The following SORCS1 variants were observed in gnomAD, a reference collection of about 807,000 sequenced individuals.
The protein encoded by SORCS1 is VPS10 domain-containing receptor SorCS1.
Under a neutral mutation model 146.1 loss-of-function variants are expected in SORCS1, and 60 were observed. The ratio of observed to expected loss-of-function variants is 0.41; its 90% CI spans 0.33 to 0.51. The LOEUF (loss-of-function observed/expected upper bound fraction) is 0.51, where lower values mean the gene tolerates loss of function less well. Among genes scored for constraint, SORCS1 ranks in the 20% least tolerant of loss-of-function variants. SORCS1 has a pLI of 0.21. For synonymous variants in SORCS1, 637 were observed against 584.0 expected (o/e 1.09, Z -1.31); for missense variants, 1,352 against 1,487.6 (o/e 0.91, Z 1.50).
At chr10:106,805,806 C>T (rs1947132625) in intron 3 of SORCS1, among the ~76,000 whole-genome samples, 1 of 152,062 alleles carries the variant, frequency 6.6e-6, no homozygotes, top group Non-Finnish European at 1.5e-5. Flanking sequence ...CGCCTGTAAT[C>T]CCAGCACTCT....
intron 5 of SORCS1, among the ~76,000 whole-genome samples, chr10:106,750,817 T>G (rs6584765): frequency 0.23 from 33,005 of 140,992 alleles, 4,141 homozygotes; most frequent in Non-Finnish European, 0.29. Context: ...CCCAGCACTT[T>G]GGGAGGCCGA....
intron 3 of SORCS1, among the ~76,000 whole-genome samples, chr10:106,790,288 G>A (rs1466294715): frequency 1.3e-5 from 2 of 152,114 alleles, no homozygotes; most frequent in Non-Finnish European, 2.9e-5. Context: ...TTTGTTCTAG[G>A]TCCTGATGCT....
chr10:106,926,956 A>C (rs1398898457), intron 2 of SORCS1, among the ~76,000 whole-genome samples: 2 of 152,180 alleles, frequency 1.3e-5, no homozygotes, highest in African/African-American at 4.8e-5. Context: ...TACTGGAGTG[A>C]AAAATAAATA....
At chr10:106,983,344 T>C (rs1248594779) in intron 1 of SORCS1, among the ~76,000 whole-genome samples, 1 of 151,290 alleles carries the variant, frequency 6.6e-6, no homozygotes, top group Non-Finnish European at 1.5e-5. Context: ...TTAAAACTGA[T>C]AATATTCTGA....
intron 2 of SORCS1, among the ~76,000 whole-genome samples, chr10:106,832,717 G>A (rs1036997538): frequency 1.3e-5 from 2 of 152,092 alleles, no homozygotes; most frequent in Non-Finnish European, 2.9e-5. Flanking sequence ...AATGAAACAT[G>A]TAAATACTGC....
intron 5 of SORCS1, among the ~76,000 whole-genome samples, chr10:106,752,154 C>T (rs906516768): frequency 6.6e-6 from 1 of 152,144 alleles, no homozygotes; most frequent in Non-Finnish European, 1.5e-5. Flanking sequence ...ATCCTAAATC[C>T]ATGCTTTTCC....
intron 1 of SORCS1, among the ~76,000 whole-genome samples, chr10:106,978,759 C>T (rs1340475652): frequency 6.7e-6 from 1 of 150,218 alleles, no homozygotes; most frequent in African/African-American, 2.5e-5. Flanking sequence ...GATAGTGCCA[C>T]TGCACTCCAG....
At chr10:107,096,700 C>A (rs1282595826) in intron 1 of SORCS1, among the ~76,000 whole-genome samples, 1 of 152,058 alleles carries the variant, frequency 6.6e-6, no homozygotes, top group African/African-American at 2.4e-5. Flanking sequence ...TTAGTAGAGA[C>A]AGGGTTTCAC....
chr10:106,809,560 AG>A (rs1372971669), intron 3 of SORCS1, among the ~76,000 whole-genome samples: 2 of 152,218 alleles, frequency 1.3e-5, no homozygotes, highest in East Asian at 3.8e-4. Flanking sequence ...CACTGGGCAG[AG>A]GAAGGCTGAG....
chr10:106,607,928 C>T (rs1215388922), intron 22 of SORCS1, among the ~76,000 whole-genome samples: 1 of 152,150 alleles, frequency 6.6e-6, no homozygotes, highest in Non-Finnish European at 1.5e-5. Flanking sequence ...AGCCCTGTTC[C>T]CTGAAGCACC....
At chr10:106,804,584 CATAAA>C (rs767041255) in intron 3 of SORCS1, among the ~76,000 whole-genome samples, 24 of 151,894 alleles carry the variant, frequency 1.6e-4, no homozygotes, top group Non-Finnish European at 2.5e-4. Flanking sequence ...ATATACAATT[CATAAA>C]ATAAAAGAAA....
chr10:107,161,576 C>T (rs935231360), intron 1 of SORCS1, among the ~76,000 whole-genome samples: 8 of 152,106 alleles, frequency 5.3e-5, no homozygotes, highest in African/African-American at 1.9e-4. Flanking sequence ...ATAGCCCCCA[C>T]TTTAGAGATG....
chr10:107,029,794 C>G (rs1236637438), intron 1 of SORCS1, among the ~76,000 whole-genome samples: 2 of 152,192 alleles, frequency 1.3e-5, no homozygotes, highest in East Asian at 3.8e-4. Flanking sequence ...TTTTCTCACT[C>G]CTATCCAAGT....
chr10:106,858,015 T>C (rs962329930), intron 2 of SORCS1, among the ~76,000 whole-genome samples: 1 of 152,208 alleles, frequency 6.6e-6, no homozygotes, highest in Non-Finnish European at 1.5e-5. Context: ...CTGAGCTGAA[T>C]GAGCTTCCCT....
chr10:107,152,784 T>G (rs1048435101), intron 1 of SORCS1, among the ~76,000 whole-genome samples: 1 of 152,220 alleles, frequency 6.6e-6, no homozygotes, highest in African/African-American at 2.4e-5. Flanking sequence ...GGGTATGTCT[T>G]TATTAGCAGC....
At chr10:106,969,195 A>C (rs1955649498) in intron 1 of SORCS1, among the ~76,000 whole-genome samples, 1 of 152,204 alleles carries the variant, frequency 6.6e-6, no homozygotes, top group Admixed American at 6.5e-5. Flanking sequence ...AAATGTTTCC[A>C]TGTGATTCTA....
At chr10:106,818,493 G>A (rs759217152) in intron 3 of SORCS1, among the ~76,000 whole-genome samples, 6 of 151,806 alleles carry the variant, frequency 4.0e-5, no homozygotes, top group Non-Finnish European at 7.4e-5. Context: ...AGCCTCCCGA[G>A]TAGCTTGGAC....
intron 1 of SORCS1, among the ~76,000 whole-genome samples, chr10:107,130,814 C>T (rs1362956996): frequency 6.6e-6 from 1 of 151,716 alleles, no homozygotes; most frequent in East Asian, 1.9e-4. Flanking sequence ...CTATCTTAAC[C>T]ATTTTTCAAT....
At chr10:106,772,329 T>C (rs559652839) in intron 4 of SORCS1, among the ~76,000 whole-genome samples, 55 of 152,282 alleles carry the variant, frequency 3.6e-4, no homozygotes, top group African/African-American at 1.3e-3. Context: ...CCCCAACCAA[T>C]TCTCAGGCCT....
Sources: allele counts gnomAD v4.1 joint callset (sites outside exome capture counted in the v4.1 genomes callset), GRCh38; gene constraint gnomAD v4.1.1; transcripts MANE v1.5; gene names NCBI Gene and HGNC (gene_info 2026-07-23, HGNC 2026-07-21).